The following EPB41L4B variants were observed in gnomAD, a reference collection of about 807,000 sequenced individuals.
EPB41L4B encodes the protein erythrocyte membrane protein band 4.1 like 4B, also known as band 4.1-like protein 4B.
EPB41L4B carries 30 observed loss-of-function variants against 112.5 expected under a neutral mutation model. The observed-to-expected ratio is 0.27, with a 90% CI of 0.20 to 0.36. The LOEUF (loss-of-function observed/expected upper bound fraction) is 0.36, where lower values mean the gene tolerates loss of function less well. Ranked by LOEUF, EPB41L4B falls within the 10% of genes least tolerant of loss-of-function variation. The pLI, the probability that EPB41L4B is intolerant of heterozygous loss-of-function variation, is 1.00. For missense variants in EPB41L4B, 1,024 were observed against 1,133.3 expected (o/e 0.90, Z 1.38); for synonymous variants, 408 against 439.7 (o/e 0.93, Z 0.90).
chr9:109,213,556 G>T, intron 17 of EPB41L4B, 144 bp downstream of exon 17: 1 of 674,882 alleles, frequency 1.5e-6, no homozygotes. Flanking sequence ...CTAAAAGACA[G>T]CCTGAACAGA....
intron 15 of EPB41L4B, among the ~76,000 whole-genome samples, chr9:109,238,163 A>T (rs1834216579): frequency 6.6e-6 from 1 of 152,192 alleles, no homozygotes; most frequent in Non-Finnish European, 1.5e-5. Context: ...AAATGAAGTG[A>T]CACATGCAAA....
intron 1 of EPB41L4B, among the ~76,000 whole-genome samples, chr9:109,309,760 AG>A (rs1837346453): frequency 1.2e-5 from 1 of 82,878 alleles, no homozygotes; most frequent in African/African-American, 5.6e-5. Flanking sequence ...ACACACAGAG[AG>A]AGAGAGAGAG....
Position 109,192,261 on chromosome 9 carries a change from C to T in EPB41L4B, c.2301+17G>A. On this transcript the variant is annotated intron_variant, in intron 22 of 25. Coordinates refer to ENST00000374566, the MANE Select transcript of EPB41L4B (RefSeq NM_019114.5). ...TGGTCTGTGACTTTTCTGGTTTTAG[C>T]AAAATAGGAAGTTTACCAGAGGAGT... The T allele has an allele frequency of 1.9e-6, 3 of 1,597,380 alleles. No individual in the cohort carries two copies. The highest frequency in any genetic ancestry group is 2.6e-6 in the Non-Finnish European group (3 of 1,172,502).
At chr9:109,269,539 T>C (rs1454736276) in intron 2 of EPB41L4B, among the ~76,000 whole-genome samples, 4 of 152,240 alleles carry the variant, frequency 2.6e-5, no homozygotes, top group Non-Finnish European at 4.4e-5. Flanking sequence ...TGCACTTAAT[T>C]GTGACTGTTT....
At chr9:109,226,860 C>T (rs1833800928) in intron 15 of EPB41L4B, among the ~76,000 whole-genome samples, 1 of 150,192 alleles carries the variant, frequency 6.7e-6, no homozygotes, top group Non-Finnish European at 1.5e-5. Context: ...TTTTTACAGA[C>T]AGGGTTTCCC....
At chr9:109,219,369 T>C (rs574670355) in intron 15 of EPB41L4B, among the ~76,000 whole-genome samples, 3 of 152,352 alleles carry the variant, frequency 2.0e-5, no homozygotes, top group Non-Finnish European at 2.9e-5. Flanking sequence ...CCATTTTCTT[T>C]CCTTTTTTTG....
chr9:109,245,306 T>A (rs1392971273), intron 14 of EPB41L4B, among the ~76,000 whole-genome samples: 1 of 152,222 alleles, frequency 6.6e-6, no homozygotes, highest in Non-Finnish European at 1.5e-5. Flanking sequence ...TGTTTTCCTC[T>A]GGCTTTAAAC....
rs897478107 is a variant in EPB41L4B, at chr9:109,242,860, A to C, written c.1409+758T>G. ...CAAAGCTAGCCTTAAAAAAAAAAAA[A>C]AAAAAACAAAAAACCTGTCAAGCCT... On this transcript the variant is annotated intron_variant, in intron 15 of 25. Coordinates refer to ENST00000374566, the MANE Select transcript of EPB41L4B (RefSeq NM_019114.5). Among the ~76,000 whole-genome samples the C allele has an allele frequency of 2.4e-4, 37 of 151,974 alleles. 1 individual carries two copies. The highest frequency in any genetic ancestry group is 1.9e-3 in the South Asian group (9 of 4,810).
At chr9:109,187,429 A>T (rs528784514) in intron 22 of EPB41L4B, among the ~76,000 whole-genome samples, 10 of 139,660 alleles carry the variant, frequency 7.2e-5, no homozygotes, top group Non-Finnish European at 1.1e-4. Flanking sequence ...GTCTTAGTCC[A>T]TGGTTCATTT....
At chr9:109,234,811 T>C (rs1421080789) in intron 15 of EPB41L4B, among the ~76,000 whole-genome samples, 2 of 152,164 alleles carry the variant, frequency 1.3e-5, no homozygotes, top group Non-Finnish European at 2.9e-5. Context: ...TGGGCCATGA[T>C]TGCACCACTG....
At chr9:109,209,838 C>T (rs542652939) in intron 17 of EPB41L4B, among the ~76,000 whole-genome samples, 1 of 152,074 alleles carries the variant, frequency 6.6e-6, no homozygotes, top group Non-Finnish European at 1.5e-5. Context: ...AAAAACAAAG[C>T]AGATAGATGG....
chr9:109,181,130 G>C (rs1054768578), intron 24 of EPB41L4B, among the ~76,000 whole-genome samples: 2 of 152,170 alleles, frequency 1.3e-5, no homozygotes, highest in South Asian at 4.1e-4. Context: ...TCCCGCCTCA[G>C]CCTCCTGGGT....
intron 15 of EPB41L4B, among the ~76,000 whole-genome samples, chr9:109,221,122 A>T (rs1291014002): frequency 1.3e-5 from 2 of 152,090 alleles, no homozygotes; most frequent in Non-Finnish European, 2.9e-5. Flanking sequence ...TGTATGTCTC[A>T]GATACTGTGC....
intron 1 of EPB41L4B, among the ~76,000 whole-genome samples, chr9:109,314,331 G>A (rs184235403): frequency 9.7e-4 from 147 of 152,242 alleles, no homozygotes; most frequent in Non-Finnish European, 1.7e-3. Flanking sequence ...CACCCCCATC[G>A]ACCTTCTGCT....
At chr9:109,278,934 C>G (rs1266357064) in intron 2 of EPB41L4B, among the ~76,000 whole-genome samples, 1 of 152,200 alleles carries the variant, frequency 6.6e-6, no homozygotes, top group African/African-American at 2.4e-5. Context: ...ATTCTAACAT[C>G]TCCACTGTGA....
At chr9:109,305,098 A>G (rs1373109909) in intron 1 of EPB41L4B, among the ~76,000 whole-genome samples, 5 of 151,900 alleles carry the variant, frequency 3.3e-5, no homozygotes, top group Non-Finnish European at 7.4e-5. Flanking sequence ...GAATTACTAC[A>G]TAATTACTAT....
intron 2 of EPB41L4B, 70 bp from the exon 3 acceptor site, chr9:109,268,503 C>G (rs1457666668): frequency 7.2e-7 from 1 of 1,394,042 alleles, no homozygotes; most frequent in Admixed American, 2.0e-5. Flanking sequence ...CACAGTTACC[C>G]TCCTCTAAAA....
intron 15 of EPB41L4B, among the ~76,000 whole-genome samples, chr9:109,222,297 G>A (rs559456144): frequency 8.0e-4 from 121 of 152,200 alleles, no homozygotes; most frequent in African/African-American, 2.7e-3. Flanking sequence ...AAGGTCTTTC[G>A]CAGAGCAAAG....
chr9:109,241,672 G>T, intron 15 of EPB41L4B: 1 of 1,614,080 alleles, frequency 6.2e-7, no homozygotes, highest in Non-Finnish European at 8.5e-7. Context: ...TCAAAGTGCA[G>T]TCATGAGTTT....
Sources: allele counts gnomAD v4.1 joint callset (sites outside exome capture counted in the v4.1 genomes callset), GRCh38; gene constraint gnomAD v4.1.1; transcripts MANE v1.5; gene names NCBI Gene and HGNC (gene_info 2026-07-23, HGNC 2026-07-21).